Variants in CAMTA1 observed in about 807,000 individuals in gnomAD.
CAMTA1 encodes the protein calmodulin binding transcription activator 1.
Under a neutral mutation model 170.9 loss-of-function variants are expected in CAMTA1, and 27 were observed. The observed-to-expected ratio is 0.16, with a 90% CI of 0.12 to 0.22. CAMTA1 has a LOEUF of 0.22. Among genes scored for constraint, CAMTA1 ranks in the 10% least tolerant of loss-of-function variants. The pLI is 1.00. For missense variants in CAMTA1, 1,619 were observed against 2,217.2 expected (o/e 0.73, Z 5.42); for synonymous variants, 833 against 891.5 (o/e 0.93, Z 1.17).
At chr1:6,841,841 C>G (rs1054077963) in intron 3 of CAMTA1, among the ~76,000 whole-genome samples, 1 of 152,180 alleles carries the variant, frequency 6.6e-6, no homozygotes, top group Non-Finnish European at 1.5e-5. Context: ...GCAGAAGGTA[C>G]TGATGACTCC....
rs558347489 is a variant in CAMTA1 at position 7,460,597 on chromosome 1, C to T, written c.439-7233C>T. ...CCCGTTCTGGAGGCTGTGACTGCCCCCCCCAACCCCAGCCTGCCCCCAGTT... is the reference window on the plus strand; with the variant it reads ...CCCGTTCTGGAGGCTGTGACTGCCCTCCCCAACCCCAGCCTGCCCCCAGTT... On this transcript the variant is annotated intron_variant, in intron 5 of 22. Coordinates refer to ENST00000303635, the MANE Select transcript of CAMTA1 (RefSeq NM_015215.4). Among the ~76,000 whole-genome samples, 76 of 151,996 alleles carry T rather than the reference C, an allele frequency of 5.0e-4. 2 individuals are homozygous for T. In the South Asian group the frequency reaches 0.015, roughly 30 times the overall value.
rs1574515788 is a variant in CAMTA1 at position 7,299,589 on chromosome 1, A to G, written c.438+49963A>G. Among the ~76,000 whole-genome samples the G allele has an allele frequency of 6.6e-6, 1 of 152,172 alleles. No individual in the cohort carries two copies. Among genetic ancestry groups the G allele is most frequent in the African/African-American group, 2.4e-5 (1 of 41,436 alleles). Reference sequence around the variant, plus strand: ...AGTCAGACGCTGGCCCTTGTGTCTCAGGCTCCTGGAACCTTCCGATTAAGC... The same window carrying G: ...AGTCAGACGCTGGCCCTTGTGTCTCGGGCTCCTGGAACCTTCCGATTAAGC... On this transcript the variant is annotated intron_variant, in intron 5 of 22. Transcript: ENST00000303635. This position sits in a 1 kb window ranked among gnomAD's most constrained non-coding sequence, Gnocchi z 4.7.
At chr1:7,273,444 G>A (rs1012979123) in intron 5 of CAMTA1, among the ~76,000 whole-genome samples, 18 of 152,180 alleles carry the variant, frequency 1.2e-4, no homozygotes, top group African/African-American at 3.6e-4. Context: ...ACTTCTAAAC[G>A]TTATTCTAAG....
chr1:7,180,810 T>C (rs1651995224), intron 4 of CAMTA1, among the ~76,000 whole-genome samples: 1 of 152,194 alleles, frequency 6.6e-6, no homozygotes, highest in Admixed American at 6.6e-5. Flanking sequence ...CCACACCTGG[T>C]CCAAACTTTC....
chr1:7,572,734 G>A (rs1243193034), intron 6 of CAMTA1, among the ~76,000 whole-genome samples: 1 of 152,202 alleles, frequency 6.6e-6, no homozygotes, highest in African/African-American at 2.4e-5. Flanking sequence ...ACCATCACCT[G>A]GGGGTTTAGG....
chr1:7,677,492 T>A (rs1444125739), intron 10 of CAMTA1, 107 bp from the exon 11 acceptor site: 10 of 1,258,274 alleles, frequency 7.9e-6, no homozygotes, highest in Non-Finnish European at 1.1e-6. Context: ...GAGCTGGACA[T>A]TAACCAATGA....
At chr1:7,314,488 G>T (rs1574620177) in intron 5 of CAMTA1, among the ~76,000 whole-genome samples, 1 of 152,206 alleles carries the variant, frequency 6.6e-6, no homozygotes, top group South Asian at 2.1e-4. Context: ...GTATCATGGT[G>T]CTGTTTGTGG....
intron 11 of CAMTA1, among the ~76,000 whole-genome samples, chr1:7,683,260 G>A (rs2149333056): frequency 6.6e-6 from 1 of 151,634 alleles, no homozygotes; most frequent in African/African-American, 2.4e-5. Context: ...GATAATGGAA[G>A]ACAGAGGAGC....
At chr1:7,516,119 G>A (rs2094282496) in intron 6 of CAMTA1, among the ~76,000 whole-genome samples, 1 of 152,332 alleles carries the variant, frequency 6.6e-6, no homozygotes, top group African/African-American at 2.4e-5. Flanking sequence ...CAGCCGGCTG[G>A]GGAACGTGCG....
intron 5 of CAMTA1, among the ~76,000 whole-genome samples, chr1:7,344,040 G>T (rs997473966): frequency 6.6e-6 from 1 of 152,210 alleles, no homozygotes; most frequent in Non-Finnish European, 1.5e-5. Flanking sequence ...AGTGCTTGCT[G>T]GGTGGTCCAG....
intron 5 of CAMTA1, among the ~76,000 whole-genome samples, chr1:7,378,904 C>G (rs968507419): frequency 6.6e-6 from 1 of 152,136 alleles, no homozygotes; most frequent in Non-Finnish European, 1.5e-5. Context: ...TTTATTCCAG[C>G]TTTTCCTTAG....
At chr1:7,114,718 C>T in intron 4 of CAMTA1, among the ~76,000 whole-genome samples, 1 of 151,388 alleles carries the variant, frequency 6.6e-6, no homozygotes, top group Non-Finnish European at 1.5e-5. Flanking sequence ...ACCTGAGACC[C>T]AGGAGAGCTG....
intron 3 of CAMTA1, among the ~76,000 whole-genome samples, chr1:7,021,240 G>A (rs566238980): frequency 2.0e-5 from 3 of 152,280 alleles, no homozygotes; most frequent in African/African-American, 2.4e-5. Context: ...GCAGGGCCTC[G>A]GCAGTGAAAA....
At chr1:7,750,634 G>A (rs189513208) in intron 19 of CAMTA1, among the ~76,000 whole-genome samples, 136 of 152,358 alleles carry the variant, frequency 8.9e-4, no homozygotes, top group African/African-American at 3.2e-3. Context: ...CTTCACCACC[G>A]TGTTGGTCTT....
At chr1:6,827,127 A>T (rs1254228084) in intron 3 of CAMTA1, among the ~76,000 whole-genome samples, 1 of 152,220 alleles carries the variant, frequency 6.6e-6, no homozygotes, top group Admixed American at 6.5e-5. Context: ...GATTACAGAG[A>T]GGAAAATGCA....
chr1:7,604,156 G>A (rs2095468190), intron 6 of CAMTA1, among the ~76,000 whole-genome samples: 1 of 152,254 alleles, frequency 6.6e-6, no homozygotes, highest in Admixed American at 6.5e-5. Flanking sequence ...TGACAATTAT[G>A]TGTGTTGGAG....
At chr1:7,515,839 G>A (rs547964722) in intron 6 of CAMTA1, among the ~76,000 whole-genome samples, 5 of 152,324 alleles carry the variant, frequency 3.3e-5, no homozygotes, top group East Asian at 1.9e-4. Context: ...ACCCATGGGC[G>A]CAGCAGGTCG....
At chr1:7,352,134 G>T (rs561310915) in intron 5 of CAMTA1, among the ~76,000 whole-genome samples, 1 of 152,116 alleles carries the variant, frequency 6.6e-6, no homozygotes. Flanking sequence ...GAAGGAGGAG[G>T]AGAAGGAAGC....
intron 6 of CAMTA1, among the ~76,000 whole-genome samples, chr1:7,480,261 ATGTGTGTGAGTGCATCTGTGTATGAGTG>A (rs2093501340): frequency 3.3e-5 from 3 of 90,940 alleles, no homozygotes; most frequent in Admixed American, 1.1e-4. Context: ...GCATGTGTGT[ATGTGTGTGAGTGCATCTGTGTATGAGTG>A]CGTGTGTGTA....
Sources: gnomAD v4.1 joint callset for allele counts (sites outside exome capture counted in the v4.1 genomes callset) on GRCh38, gnomAD v4.1.1 for gene constraint, Gnocchi (gnomAD v3.1) non-coding constraint, MANE v1.5 for transcripts, NCBI Gene and HGNC (gene_info 2026-07-23, HGNC 2026-07-21) for gene names.